NPEPPS: variants seen among roughly 807,000 people sequenced by gnomAD.
NPEPPS encodes the protein puromycin-sensitive aminopeptidase.
A neutral mutation model predicts 115.5 loss-of-function variants in NPEPPS; 14 were observed. That is an observed-to-expected ratio of 0.12 (90% CI 0.08 to 0.19). The LOEUF (loss-of-function observed/expected upper bound fraction) is 0.19. NPEPPS is among the 10% of genes least tolerant of loss of function. The probability of loss-of-function intolerance (pLI) is 1.00; values close to 1 mark genes in which losing one functional copy is unlikely to be tolerated. For synonymous variants in NPEPPS, 285 were observed against 390.6 expected (o/e 0.73, Z 3.19); for missense variants, 523 against 1,110.8 (o/e 0.47, Z 7.52).
At chr17:47,548,648 C>G (rs1412247903) in intron 2 of NPEPPS, among the ~76,000 whole-genome samples, 1 of 136,988 alleles carries the variant, frequency 7.3e-6, no homozygotes. Flanking sequence ...ACGATCTCGG[C>G]TTGCTGCAAC....
chr17:47,622,740 T>C lies in NPEPPS; in HGVS notation c.*820T>C, dbSNP rs1212329113. ...TTTTTTTCTTTTTAAAGATGACTTA[T>C]AAGAACCCTGAAATTTATATAGGTG... is the stretch of plus-strand genomic sequence containing the variant. On this transcript the variant is annotated 3_prime_UTR_variant, in exon 23 of 23. Transcript: ENST00000322157. 1 of 401,258 alleles carries C rather than the reference T, an allele frequency of 2.5e-6. No homozygotes were observed. Among genetic ancestry groups the C allele is most frequent in the Non-Finnish European group, 4.7e-6 (1 of 211,644 alleles). 24.9% of individuals were successfully genotyped at this position (401,258 alleles called of 1,614,324 possible).
intron 20 of NPEPPS, 36 bp downstream of exon 20, chr17:47,618,493 C>A (rs770597969): frequency 7.4e-7 from 1 of 1,359,918 alleles, no homozygotes; most frequent in South Asian, 1.2e-5. Flanking sequence ...AGAAGTGAAT[C>A]GTTACCCATC....
chr17:47,619,554 CA>C (rs879476110), intron 21 of NPEPPS, 182 bp from the exon 22 acceptor site: 32,857 of 433,808 alleles, frequency 0.076, no homozygotes, highest in South Asian at 0.11. Context: ...AACTCCGTCT[CA>C]AAAAAAAAAA....
In NPEPPS at chr17:47,606,024, T is replaced by C. The variant is rs564981554; in HGVS notation, c.2095+472T>C. Among the ~76,000 whole-genome samples the C allele has an allele frequency of 3.2e-4, 49 of 152,116 alleles. 1 individual carries two copies. Among genetic ancestry groups the C allele is most frequent in the African/African-American group, 9.2e-4 (38 of 41,506 alleles). ...TCCCGAGTAGCTGGGATTACAGGCA[T>C]GTGCCACCACGCCTGGTTACTTTTA... On this transcript the variant is annotated intron_variant, in intron 17 of 22. Coordinates refer to ENST00000322157, the MANE Select transcript of NPEPPS (RefSeq NM_006310.4).
intron 15 of NPEPPS, among the ~76,000 whole-genome samples, chr17:47,602,287 C>T (rs1186156487): frequency 6.6e-6 from 1 of 151,904 alleles, no homozygotes; most frequent in African/African-American, 2.4e-5. Context: ...TTGTATGTTC[C>T]TAATAGGAAT....
At chr17:47,538,202 CTT>C (rs543559258) in intron 1 of NPEPPS, among the ~76,000 whole-genome samples, 1,369 of 58,264 alleles carry the variant, frequency 0.023, 9 homozygotes, top group Middle Eastern at 0.075. Flanking sequence ...CATATCTGTT[CTT>C]TTTTTTTTTT....
chr17:47,611,248 T>G (rs1597890988), intron 17 of NPEPPS, among the ~76,000 whole-genome samples: 1 of 151,012 alleles, frequency 6.6e-6, no homozygotes, highest in Non-Finnish European at 1.5e-5. Context: ...TCACCTGAGG[T>G]CAGGAGTTCG....
intron 5 of NPEPPS, among the ~76,000 whole-genome samples, chr17:47,583,703 C>T (rs1293094768): frequency 6.6e-6 from 1 of 151,940 alleles, no homozygotes. Flanking sequence ...TTGCTTGAGG[C>T]CAGGAGTTTG....
intron 17 of NPEPPS, among the ~76,000 whole-genome samples, chr17:47,606,533 C>T (rs1913528777): frequency 6.6e-6 from 1 of 152,006 alleles, no homozygotes; most frequent in Non-Finnish European, 1.5e-5. Flanking sequence ...TCTCGGTTCA[C>T]TGCAACCTCT....
At chr17:47,578,476 T>C (rs1181678834) in intron 3 of NPEPPS, among the ~76,000 whole-genome samples, 2 of 151,962 alleles carry the variant, frequency 1.3e-5, no homozygotes, top group Admixed American at 1.3e-4. Context: ...ATGGGATTAC[T>C]GTTTTGCCAT....
Position 47,557,080 on chromosome 17 carries a change from G to GT in NPEPPS, c.340+11097dup, listed in dbSNP as rs963520461. 3.1e-4 allele frequency among the ~76,000 whole-genome samples: 47 copies of GT among 149,738 alleles called. No homozygotes were observed. In the East Asian group the frequency reaches 3.5e-3, roughly 11 times the overall value. ...GCTTCCTTTGGGTTTACTTTGCAAG[G>GT]TTTTTTTTTTATTTTTGAGACGGAG... On this transcript the variant is annotated intron_variant, in intron 2 of 22. Transcript: ENST00000322157.
intron 1 of NPEPPS, among the ~76,000 whole-genome samples, 194 bp from the exon 2 acceptor site, chr17:47,545,715 A>G (rs923769845): frequency 4.6e-5 from 7 of 151,696 alleles, no homozygotes; most frequent in Admixed American, 3.3e-4. Flanking sequence ...CTCCTGGCCA[A>G]TTTTTGTATT....
intron 18 of NPEPPS, among the ~76,000 whole-genome samples, chr17:47,612,896 C>G (rs1913967682): frequency 6.6e-6 from 1 of 152,158 alleles, no homozygotes; most frequent in Non-Finnish European, 1.5e-5. Flanking sequence ...CTCCTGACCT[C>G]AGGTAATCCA....
At chr17:47,618,954 G>A in intron 20 of NPEPPS, 55 bp from the exon 21 acceptor site, 2 of 1,537,582 alleles carry the variant, frequency 1.3e-6, no homozygotes, top group Admixed American at 1.8e-5. Context: ...TGCACTTTCT[G>A]GTACCAGAAT....
At chr17:47,583,868 G>A (rs1267442214) in intron 5 of NPEPPS, among the ~76,000 whole-genome samples, 1 of 151,708 alleles carries the variant, frequency 6.6e-6, no homozygotes, top group Non-Finnish European at 1.5e-5. Flanking sequence ...GCTACAGGGA[G>A]CCGTGATTGT....
intron 22 of NPEPPS, 107 bp downstream of exon 22, chr17:47,619,891 T>C: frequency 5.3e-6 from 5 of 949,234 alleles, no homozygotes; most frequent in Non-Finnish European, 5.1e-6. Flanking sequence ...CTCTGTGTTT[T>C]TGTTTAGAGA....
At position 47,601,723 on chromosome 17, in the gene NPEPPS, T is replaced by C. The variant is rs1239974172; in HGVS notation, c.1716T>C (p.Asn572=). 1.2e-5 allele frequency: 20 copies of C among 1,613,412 alleles called. No homozygotes were observed. The highest frequency in any genetic ancestry group is 1.5e-5 in the Non-Finnish European group (18 of 1,179,764). ...CAGAGATGAATGTGGTTTTGAAAAA[T>C]GTCAAACCAGACCAATGGGTGAAGG... ...DKPEMNVVLK[N]VKPDQWVKLN... The change falls in exon 15 of 23, where the codon AAT becomes AAC. Residue 572 remains asparagine, a synonymous_variant. Transcript: ENST00000322157.
intron 1 of NPEPPS, among the ~76,000 whole-genome samples, chr17:47,534,646 C>T (rs868562600): frequency 7.2e-5 from 11 of 151,972 alleles, no homozygotes; most frequent in African/African-American, 2.7e-4. Flanking sequence ...GCAGCCTCCA[C>T]CCTGTGCCCC....
intron 1 of NPEPPS, among the ~76,000 whole-genome samples, chr17:47,535,991 C>T (rs1414334430): frequency 6.6e-6 from 1 of 151,878 alleles, no homozygotes; most frequent in East Asian, 1.9e-4. Context: ...CACGCGCCGC[C>T]ATGCCTGGCT....
Sources: allele counts gnomAD v4.1 joint callset (sites outside exome capture counted in the v4.1 genomes callset), GRCh38; gene constraint gnomAD v4.1.1; transcripts MANE v1.5; gene names NCBI Gene and HGNC (gene_info 2026-07-23, HGNC 2026-07-21).